The following EPHB3 variants were observed in gnomAD, a reference collection of about 807,000 sequenced individuals.
EPHB3 encodes the protein EPH receptor B3.
EPHB3 carries 33 observed loss-of-function variants against 100.2 expected under a neutral mutation model. That is an observed-to-expected ratio of 0.33 (90% CI 0.25 to 0.44). The LOEUF is 0.44. Among genes scored for constraint, EPHB3 ranks in the 20% least tolerant of loss-of-function variants. The pLI, the probability that EPHB3 is intolerant of heterozygous loss-of-function variation, is 1.00. For missense variants in EPHB3, 1,045 were observed against 1,378.3 expected, an observed-to-expected ratio of 0.76 and a Z score of 3.83; for synonymous variants, 526 against 554.7, an observed-to-expected ratio of 0.95 and a Z score of 0.73.
rs1194071164 is a variant in EPHB3 at position 184,573,066 on chromosome 3, C to T, written c.746C>T (p.Ser249Leu). The T allele has an allele frequency of 3.7e-6, 6 of 1,613,198 alleles. No individual in the cohort carries two copies. The highest frequency in any genetic ancestry group is 4.5e-5 in the East Asian group (2 of 44,876). Residue 249 changes from serine (S) to leucine (L), a missense_variant, in exon 3 of 16, where the codon TCG (serine) becomes TTG (leucine). Ser to Leu is a moderately radical substitution (Grantham distance 145). Transcript: ENST00000330394. The surrounding 1 kb of genome is among the most constrained non-coding windows in gnomAD (Gnocchi z 4.5). The part of the protein sequence containing the change: ...GTCIPNAVEV[S>L]VPLKLYCNGD... ...TGCATCCCTAACGCCGTGGAGGTGT[C>T]GGTGCCACTCAAGCTCTACTGCAAC...
chr3:184,574,409 G>C (rs1714622501), intron 3 of EPHB3, among the ~76,000 whole-genome samples: 1 of 152,220 alleles, frequency 6.6e-6, no homozygotes, highest in Admixed American at 6.5e-5. Flanking sequence ...CTGAGTCTTG[G>C]AGAAGCTCTG....
chr3:184,581,307 A>T lies in EPHB3; in HGVS notation c.2787A>T (p.Thr929=), dbSNP rs35919889. 1.9e-6 allele frequency: 3 copies of T among 1,609,048 alleles called. No homozygotes were observed. The East Asian group carries it at 6.7e-5, about 36-fold the overall frequency. The part of the protein sequence containing the change: ...RTVPDYTTFT[T]VGDWLDAIKM... ...TCCCAGATTACACAACCTTCACGAC[A>T]GTTGGTGATTGGCTGGATGCCATCA... Residue 929 remains threonine, a synonymous_variant, in exon 15 of 16, where the codon ACA becomes ACT. Coordinates refer to ENST00000330394, the MANE Select transcript of EPHB3 (RefSeq NM_004443.4).
chr3:184,562,814 G>T lies in EPHB3; in HGVS notation c.118+461G>T, dbSNP rs1197520901. 6.6e-6 allele frequency among the ~76,000 whole-genome samples: 1 copy of T among 152,226 alleles called. No individual in the cohort carries two copies. Among genetic ancestry groups the T allele is most frequent in the Non-Finnish European group, 1.5e-5 (1 of 68,040 alleles). ...CCGTTGGAGTTAACTGTGAGAGTGTGAGTGCGAGCACCCCGATTTGTCAGG... is the reference window on the plus strand; with the variant it reads ...CCGTTGGAGTTAACTGTGAGAGTGTTAGTGCGAGCACCCCGATTTGTCAGG... On this transcript the variant is annotated intron_variant, in intron 1 of 15. Coordinates refer to ENST00000330394, the MANE Select transcript of EPHB3 (RefSeq NM_004443.4). The surrounding 1 kb of genome is among the most constrained non-coding windows in gnomAD (Gnocchi z 4.8).
chr3:184,567,363 C>T (rs1033478095), intron 1 of EPHB3, among the ~76,000 whole-genome samples: 2 of 152,198 alleles, frequency 1.3e-5, no homozygotes, highest in Admixed American at 6.5e-5. Context: ...ATGTGGCTGC[C>T]CTGCCTGAGC....
chr3:184,576,545 A>T (rs1313237643), intron 4 of EPHB3, among the ~76,000 whole-genome samples: 1 of 151,968 alleles, frequency 6.6e-6, no homozygotes, highest in Non-Finnish European at 1.5e-5. Context: ...ACAGATAATG[A>T]CCGTAATGTA....
chr3:184,580,770 A>G lies in EPHB3; in HGVS notation c.2430A>G (p.Ile810Met). The G allele has an allele frequency of 6.2e-7, 1 of 1,614,182 alleles. No homozygotes were observed. The highest frequency in any genetic ancestry group is 8.5e-7 in the Non-Finnish European group (1 of 1,180,026). The change falls in exon 13 of 16, where the codon ATA becomes ATG. Residue 810 changes from isoleucine (I) to methionine (M), a missense_variant. This residue lies in a region of EPHB3 where 985 missense variants were observed against 1,331.1 expected (regional missense o/e 0.74). Coordinates refer to ENST00000330394, the MANE Select transcript of EPHB3 (RefSeq NM_004443.4). ...TCCGCTGGACTGCCCCAGAGGCCAT[A>G]GCCTATCGGAAGTTCACTTCTGCTA... Reference protein sequence around the residue: ...IPIRWTAPEAIAYRKFTSASD... With the variant: ...IPIRWTAPEAMAYRKFTSASD...
chr3:184,580,326 G>C (rs975553797), intron 11 of EPHB3, 76 bp from the exon 12 acceptor site: 18 of 1,583,400 alleles, frequency 1.1e-5, no homozygotes, highest in African/African-American at 9.4e-5. Flanking sequence ...CTGAGTACTC[G>C]GAGAGGGAAG....
Position 184,562,329 on chromosome 3 carries a change from C to A in EPHB3, c.94C>A (p.Pro32Thr). 1 of 1,244,922 alleles carries A rather than the reference C, an allele frequency of 8.0e-7. No homozygotes were observed. Among genetic ancestry groups the A allele is most frequent in the South Asian group, 3.1e-5 (1 of 31,816 alleles). The allele number at this position is 1,244,922 out of a possible 1,614,324, so 77.1% of individuals were successfully genotyped here. A position where few individuals can be genotyped will look rare whatever the true frequency, so the allele number is the denominator to read the frequency against. Residue 32 changes from proline to threonine, a missense_variant, in exon 1 of 16, where the codon CCC (proline) becomes ACC (threonine). Coordinates refer to ENST00000330394, the MANE Select transcript of EPHB3 (RefSeq NM_004443.4). This position sits in a 1 kb window ranked among gnomAD's most constrained non-coding sequence, Gnocchi z 4.8. ...GCTGCTGCTGCCGCTGCTGCTGCTG[C>A]CCGCCGGCTGCCGGGCGCTGGAAGG... ...PLLLLPLLLL[P>T]AGCRALEETL... is the part of the protein sequence containing the mutation.
In EPHB3 at chr3:184,563,156, C is replaced by T. The variant is rs1055757223; in HGVS notation, c.118+803C>T. Reference sequence around the variant, plus strand: ...AATGATTGTACTTGGATGAACAGCCCGGCGTTGTTGGCGCTGGCAGGAGAG... The same window carrying T: ...AATGATTGTACTTGGATGAACAGCCTGGCGTTGTTGGCGCTGGCAGGAGAG... On this transcript the variant is annotated intron_variant, in intron 1 of 15. Coordinates refer to ENST00000330394, the MANE Select transcript of EPHB3 (RefSeq NM_004443.4). The surrounding 1 kb of genome is among the most constrained non-coding windows in gnomAD (Gnocchi z 4.1). Among the ~76,000 whole-genome samples, 12 of 152,166 alleles carry T rather than the reference C, an allele frequency of 7.9e-5. No homozygotes were observed. The highest frequency in any genetic ancestry group is 1.3e-4 in the Admixed American group (2 of 15,284).
rs1438546380 is a variant in EPHB3 at position 184,572,353 on chromosome 3, G to C, written c.184-151G>C. The C allele has an allele frequency of 6.3e-6, 5 of 796,988 alleles. No individual in the cohort carries two copies. The highest frequency in any genetic ancestry group is 4.5e-5 in the South Asian group (1 of 22,102). The allele number at this position is 796,988 out of a possible 1,614,324, so 49.4% of individuals were successfully genotyped here. A position where few individuals can be genotyped will look rare whatever the true frequency, so the allele number is the denominator to read the frequency against. On this transcript the variant is annotated intron_variant, in intron 2 of 15. Transcript: ENST00000330394. The surrounding 1 kb of genome is among the most constrained non-coding windows in gnomAD (Gnocchi z 6.6). Reference sequence around the variant, plus strand: ...TACCCATAATCACACAGCAGGCAGAGAGCTGGAATTTGAGCCCATATAGCC... The same window carrying C: ...TACCCATAATCACACAGCAGGCAGACAGCTGGAATTTGAGCCCATATAGCC...
chr3:184,571,203 C>T lies in EPHB3; in HGVS notation c.119-115C>T. ...TCCTGACCTCAAGTGATCCACCTGC[C>T]TCAGACTCCCAAAGTGCTGGGATTA... On this transcript the variant is annotated intron_variant, in intron 1 of 15. Coordinates refer to ENST00000330394, the MANE Select transcript of EPHB3 (RefSeq NM_004443.4). The surrounding 1 kb of genome is among the most constrained non-coding windows in gnomAD (Gnocchi z 5.0). 4.1e-6 allele frequency: 4 copies of T among 987,136 alleles called. No homozygotes were observed. Among genetic ancestry groups the T allele is most frequent in the Non-Finnish European group, 6.4e-6 (4 of 629,040 alleles). The allele number at this position is 987,136 out of a possible 1,614,324, so 61.1% of individuals were successfully genotyped here.
At chr3:184,568,446 C>G (rs1051591576) in intron 1 of EPHB3, among the ~76,000 whole-genome samples, 2 of 152,184 alleles carry the variant, frequency 1.3e-5, no homozygotes, top group Non-Finnish European at 2.9e-5. Context: ...TTGTCTTTAC[C>G]CGCTGCCCCT....
chr3:184,579,661 C>T lies in EPHB3; in HGVS notation c.1925-26C>T. On this transcript the variant is annotated intron_variant, in intron 10 of 15. Transcript: ENST00000330394. This position sits in a 1 kb window ranked among gnomAD's most constrained non-coding sequence, Gnocchi z 5.2. The stretch of plus-strand genomic sequence containing the variant: ...AGGCGGGCTGGGTACAGGAGTGAGT[C>T]ATAGCTTGTGCCCTGTGCCCTGCAG... 1 of 1,610,858 alleles carries T rather than the reference C, an allele frequency of 6.2e-7. No homozygotes were observed. The highest frequency in any genetic ancestry group is 8.5e-7 in the Non-Finnish European group (1 of 1,177,772).
chr3:184,563,725 C>A lies in EPHB3; in HGVS notation c.118+1372C>A, dbSNP rs1714316155. On this transcript the variant is annotated intron_variant, in intron 1 of 15. Coordinates refer to ENST00000330394, the MANE Select transcript of EPHB3 (RefSeq NM_004443.4). This position sits in a 1 kb window ranked among gnomAD's most constrained non-coding sequence, Gnocchi z 4.1. ...TGTGATAGGATCGCAGGCGTGAGAA[C>A]CCAGTGTGGGGCTTTGTTGTTGATT... 6.6e-6 allele frequency among the ~76,000 whole-genome samples: 1 copy of A among 152,210 alleles called. No homozygotes were observed. The highest frequency in any genetic ancestry group is 2.4e-5 in the African/African-American group (1 of 41,464).
chr3:184,568,592 A>ACCCCCCCCCCCCCCTCCCCCCCC (rs113185340), intron 1 of EPHB3, among the ~76,000 whole-genome samples: 1 of 131,098 alleles, frequency 7.6e-6, no homozygotes, highest in Non-Finnish European at 1.6e-5. Context: ...GGGTTCTATG[A>ACCCCCCCCCCCCCCTCCCCCCCC]CCCCCCCCCC....
In EPHB3 at chr3:184,573,167, CAGTGCCGCCGTG is replaced by C; in HGVS notation, c.852_856+7del. The C allele has an allele frequency of 6.2e-7, 1 of 1,612,016 alleles. No individual in the cohort carries two copies. The highest frequency in any genetic ancestry group is 8.5e-7 in the Non-Finnish European group (1 of 1,180,012). On this transcript the variant is annotated splice_donor_variant and splice_donor_region_variant and coding_sequence_variant and intron_variant, in exon 3 of 16. Coordinates refer to ENST00000330394, the MANE Select transcript of EPHB3 (RefSeq NM_004443.4). LOFTEE classifies it high-confidence loss of function. The surrounding 1 kb of genome is among the most constrained non-coding windows in gnomAD (Gnocchi z 4.5). ...CCATGAGCCAGCTGCCAAGGAGTCCCAGTGCCGCCGTGAGTGGGGACTGTCCTGGGGAAAGGG... is the reference window on the plus strand; with the variant it reads ...CCATGAGCCAGCTGCCAAGGAGTCCCAGTGGGGACTGTCCTGGGGAAAGGG...
rs1488476976 is a variant in EPHB3 at position 184,579,329 on chromosome 3, CAGG to C, written c.1802-145_1802-143del. 8.2e-7 allele frequency: 1 copy of C among 1,215,386 alleles called. No individual in the cohort carries two copies. Among genetic ancestry groups the C allele is most frequent in the Non-Finnish European group, 1.1e-6 (1 of 884,828 alleles). The allele number at this position is 1,215,386 out of a possible 1,614,324, so 75.3% of individuals were successfully genotyped here. On this transcript the variant is annotated intron_variant, in intron 9 of 15. Coordinates refer to ENST00000330394, the MANE Select transcript of EPHB3 (RefSeq NM_004443.4). This position sits in a 1 kb window ranked among gnomAD's most constrained non-coding sequence, Gnocchi z 5.2. ...CTAGGTGTCTAGCCTTTATGGTCAC[CAGG>C]AGTTCTCATGGGAGCTGGAGGATTA...
In EPHB3 at chr3:184,562,558, C is replaced by CG. The variant is rs1714284923; in HGVS notation, c.118+208dup. 1.3e-5 allele frequency among the ~76,000 whole-genome samples: 2 copies of CG among 151,956 alleles called. No homozygotes were observed. Reference sequence around the variant, plus strand: ...AGCTGGCTCGGAGGCAGGCAGCCCGCGGGTTGGGGGGTCGCGGGGAGCTAG... The same window carrying CG: ...AGCTGGCTCGGAGGCAGGCAGCCCGCGGGGTTGGGGGGTCGCGGGGAGCTAG... On this transcript the variant is annotated intron_variant, in intron 1 of 15. Coordinates refer to ENST00000330394, the MANE Select transcript of EPHB3 (RefSeq NM_004443.4). This position sits in a 1 kb window ranked among gnomAD's most constrained non-coding sequence, Gnocchi z 4.8.
At chr3:184,574,954 C>T in intron 3 of EPHB3, among the ~76,000 whole-genome samples, 1 of 152,230 alleles carries the variant, frequency 6.6e-6, no homozygotes, top group East Asian at 1.9e-4. Flanking sequence ...CTATGGGTGT[C>T]CCCCTCCACA....
Sources: allele counts gnomAD v4.1 joint callset (sites outside exome capture counted in the v4.1 genomes callset), GRCh38; gene constraint gnomAD v4.1.1; regional missense constraint gnomAD v4.1.1; non-coding constraint Gnocchi (gnomAD v3.1); transcripts MANE v1.5; gene names NCBI Gene and HGNC (gene_info 2026-07-23, HGNC 2026-07-21).